Variants in DZIP1 observed in about 807,000 individuals in gnomAD.
DZIP1 encodes the protein cilium assembly protein DZIP1.
DZIP1 carries 97 observed loss-of-function variants against 107.6 expected under a neutral mutation model. The observed-to-expected ratio is 0.90, with a 90% CI of 0.77 to 1.07. The LOEUF (loss-of-function observed/expected upper bound fraction) is 1.07, where lower values mean the gene tolerates loss of function less well. Among genes scored for constraint, DZIP1 ranks in the 50% least tolerant of loss-of-function variants. DZIP1 has a pLI of 0.00. For synonymous variants in DZIP1, 390 were observed against 386.4 expected (o/e 1.01, Z -0.11); for missense variants, 1,035 against 1,063.6 (o/e 0.97, Z 0.37).
At chr13:95,610,111 T>TGTGTGTGTGTGTGAGAGAGAGAGA in intron 12 of DZIP1, among the ~76,000 whole-genome samples, 1 of 126,772 alleles carries the variant, frequency 7.9e-6, no homozygotes, top group African/African-American at 2.9e-5. Context: ...TGTGTGTGTG[T>TGTGTGTGTGTGTGAGAGAGAGAGA]GAGAGAGAGA....
chr13:95,615,174 T>C (rs887141158), intron 10 of DZIP1, among the ~76,000 whole-genome samples: 1 of 152,184 alleles, frequency 6.6e-6, no homozygotes, highest in African/African-American at 2.4e-5. Flanking sequence ...CCTCACCTTC[T>C]TCCTCCATGA....
At chr13:95,630,709 C>G in intron 6 of DZIP1, 1 of 1,251,610 alleles carries the variant, frequency 8.0e-7, no homozygotes, top group Non-Finnish European at 1.0e-6. Context: ...TGTACATGTA[C>G]TTACATGCAG....
intron 5 of DZIP1, among the ~76,000 whole-genome samples, chr13:95,640,333 G>T (rs1878350344): frequency 6.6e-6 from 1 of 152,066 alleles, no homozygotes; most frequent in African/African-American, 2.4e-5. Flanking sequence ...CAACACTCCT[G>T]CTGGGTCAGT....
chr13:95,627,777 T>C (rs1263497674), intron 7 of DZIP1, among the ~76,000 whole-genome samples: 1 of 152,156 alleles, frequency 6.6e-6, no homozygotes, highest in East Asian at 1.9e-4. Flanking sequence ...GCAATTCCAT[T>C]CCTAAGTATA....
At chr13:95,589,503 G>A (rs1282775982) in intron 18 of DZIP1, among the ~76,000 whole-genome samples, 1 of 152,188 alleles carries the variant, frequency 6.6e-6, no homozygotes, top group African/African-American at 2.4e-5. Flanking sequence ...ATTAAGTTTA[G>A]ATGAGGTCAT....
chr13:95,611,973 C>T (rs759789568), intron 11 of DZIP1, 64 bp downstream of exon 11: 3 of 1,563,412 alleles, frequency 1.9e-6, no homozygotes, highest in Non-Finnish European at 2.6e-6. Flanking sequence ...AAAGTAAAAA[C>T]ACATGTTCTT....
At chr13:95,612,272 TA>T (rs2045037420) in intron 10 of DZIP1, 95 bp from the exon 11 acceptor site, 7 of 1,386,892 alleles carry the variant, frequency 5.0e-6, no homozygotes, top group Non-Finnish European at 6.9e-6. Context: ...CCTGTTTTGC[TA>T]GCCTGATGCT....
intron 16 of DZIP1, among the ~76,000 whole-genome samples, chr13:95,591,248 C>T (rs1270507270): frequency 2.6e-5 from 4 of 151,890 alleles, no homozygotes; most frequent in Non-Finnish European, 5.9e-5. Flanking sequence ...AGGCTAGTCT[C>T]GAACTCCTGA....
intron 7 of DZIP1, 21 bp downstream of exon 7, chr13:95,629,968 C>T (rs766618774): frequency 7.9e-5 from 125 of 1,578,078 alleles, no homozygotes; most frequent in Non-Finnish European, 9.9e-5. Flanking sequence ...AATTAAAATA[C>T]CACAGAATTC....
chr13:95,582,053 T>C lies in DZIP1; in HGVS notation c.*181A>G. 1 of 568,310 alleles carries C rather than the reference T, an allele frequency of 1.8e-6. No individual in the cohort carries two copies. The highest frequency in any genetic ancestry group is 3.1e-6 in the Non-Finnish European group (1 of 320,510). 35.2% of individuals were successfully genotyped at this position (568,310 alleles called of 1,614,324 possible). On this transcript the variant is annotated 3_prime_UTR_variant, in exon 23 of 23. Coordinates refer to ENST00000376829, the MANE Select transcript of DZIP1 (RefSeq NM_198968.4). ...TTTACATGCTTCGAAATACTGTTGA[T>C]GATCTGATTTTCAATACTGTATTGG...
At chr13:95,615,672 G>A (rs1025514980) in intron 10 of DZIP1, among the ~76,000 whole-genome samples, 6 of 152,194 alleles carry the variant, frequency 3.9e-5, no homozygotes, top group Admixed American at 2.0e-4. Context: ...GCAACCACTT[G>A]AAGCTGTCAC....
intron 2 of DZIP1, among the ~76,000 whole-genome samples, 152 bp downstream of exon 2, chr13:95,643,449 C>G (rs1286005095): frequency 2.0e-5 from 3 of 152,208 alleles, no homozygotes; most frequent in Non-Finnish European, 4.4e-5. Context: ...AGTTAATTGG[C>G]CTTTATTCCC....
In DZIP1 at chr13:95,607,675, GA is replaced by G. The variant is rs535153802; in HGVS notation, c.1421-1617del. Among the ~76,000 whole-genome samples the G allele has an allele frequency of 4.0e-3, 578 of 143,152 alleles. 2 individuals carry two copies. The highest frequency in any genetic ancestry group is 0.012 in the African/African-American group (462 of 39,282). 93.9% of individuals were successfully genotyped at this position (143,152 alleles called of 152,430 possible). A position where few individuals can be genotyped will look rare whatever the true frequency, so the allele number is the denominator to read the frequency against. On this transcript the variant is annotated intron_variant, in intron 13 of 22. Coordinates refer to ENST00000376829, the MANE Select transcript of DZIP1 (RefSeq NM_198968.4). Reference sequence around the variant, plus strand: ...TAAATCACTGTCTGACTTTTTACAAGAAAAAAAAAAATACAGAATACTAACT... The same window carrying G: ...TAAATCACTGTCTGACTTTTTACAAGAAAAAAAAAATACAGAATACTAACT...
intron 10 of DZIP1, among the ~76,000 whole-genome samples, chr13:95,618,399 T>C (rs1875413514): frequency 6.6e-6 from 1 of 152,222 alleles, no homozygotes; most frequent in African/African-American, 2.4e-5. Context: ...GTATTGGGTG[T>C]ATGTCTGTGT....
chr13:95,592,693 AG>A (rs1406452332), intron 16 of DZIP1, among the ~76,000 whole-genome samples: 1 of 152,226 alleles, frequency 6.6e-6, no homozygotes, highest in Non-Finnish European at 1.5e-5. Context: ...AAGAATTAAT[AG>A]CCAAGAAGAG....
chr13:95,625,848 G>A (rs1171842627), intron 7 of DZIP1, among the ~76,000 whole-genome samples: 2 of 152,074 alleles, frequency 1.3e-5, no homozygotes, highest in Admixed American at 1.3e-4. Context: ...AAAGGTCCAG[G>A]TGTGATGGCT....
intron 19 of DZIP1, 159 bp from the exon 20 acceptor site, chr13:95,587,888 G>A (rs1276154019): frequency 2.4e-6 from 2 of 840,470 alleles, no homozygotes; most frequent in Non-Finnish European, 3.6e-6. Flanking sequence ...GGCGAGGCCA[G>A]AGGTTATACC....
At chr13:95,593,858 T>C in intron 16 of DZIP1, 86 bp downstream of exon 16, 1 of 1,470,968 alleles carries the variant, frequency 6.8e-7, no homozygotes, top group Non-Finnish European at 9.1e-7. Context: ...AGAATTGATG[T>C]GCTTTCTTCT....
chr13:95,606,510 T>C (rs997158582), intron 13 of DZIP1, among the ~76,000 whole-genome samples: 2 of 152,200 alleles, frequency 1.3e-5, no homozygotes, highest in African/African-American at 4.8e-5. Flanking sequence ...TTGCGTCTGG[T>C]TTTGCTCACT....
Sources: allele counts gnomAD v4.1 joint callset (sites outside exome capture counted in the v4.1 genomes callset), GRCh38; gene constraint gnomAD v4.1.1; transcripts MANE v1.5; gene names NCBI Gene and HGNC (gene_info 2026-07-23, HGNC 2026-07-21).